Variants in TSPEAR observed in about 807,000 individuals in gnomAD.
TSPEAR encodes thrombospondin type laminin G domain and EAR repeats.
In TSPEAR, 69 loss-of-function variants were observed where a neutral mutation model predicts 71.6. That is an observed-to-expected ratio of 0.96 (90% CI 0.79 to 1.18). The LOEUF (loss-of-function observed/expected upper bound fraction) is 1.18. Ranked by LOEUF, TSPEAR falls within the 50% of genes most tolerant of loss-of-function variation. TSPEAR has a pLI of 0.00. For synonymous variants in TSPEAR, 402 were observed against 387.2 expected (o/e 1.04, Z -0.45); for missense variants, 971 against 894.9 (o/e 1.09, Z -1.09).
At chr21:44,596,367 C>G (rs782306953) in intron 1 of TSPEAR, among the ~76,000 whole-genome samples, 49 of 152,338 alleles carry the variant, frequency 3.2e-4, no homozygotes, top group Non-Finnish European at 5.1e-4. Flanking sequence ...GTGTCACAGT[C>G]CCAACCACAC....
intron 1 of TSPEAR, among the ~76,000 whole-genome samples, chr21:44,657,461 C>CTA (rs1985219648): frequency 6.6e-6 from 1 of 152,194 alleles, no homozygotes; most frequent in African/African-American, 2.4e-5. Flanking sequence ...ACAGACAACA[C>CTA]ATAAACTAAT....
chr21:44,692,024 T>C (rs1555949787), intron 1 of TSPEAR, among the ~76,000 whole-genome samples: 51 of 152,282 alleles, frequency 3.3e-4, no homozygotes, highest in Non-Finnish European at 1.5e-5. Flanking sequence ...CCAAGTTGGA[T>C]TTATCCCAGG....
intron 1 of TSPEAR, among the ~76,000 whole-genome samples, chr21:44,684,425 TCAGGAGGATGAGG>T (rs1986761562): frequency 6.6e-6 from 1 of 152,132 alleles, no homozygotes; most frequent in Non-Finnish European, 1.5e-5. Flanking sequence ...TCCCAACTAT[TCAGGAGGATGAGG>T]CAGGAGGATA....
Position 44,682,425 on chromosome 21 carries a change from T to G in TSPEAR, c.82+29008A>C, listed in dbSNP as rs368553772. 2.8e-4 allele frequency among the ~76,000 whole-genome samples: 43 copies of G among 152,364 alleles called. 1 individual carries two copies. The South Asian group carries it at 7.9e-3, about 28-fold the overall frequency. ...CAGTTTTAGCTCCACCTGCCTGATA[T>G]CTGCCTCCCTTCGTTAGTTCTACGC... On this transcript the variant is annotated intron_variant, in intron 1 of 11. Coordinates refer to ENST00000323084, the MANE Select transcript of TSPEAR (RefSeq NM_144991.3).
At chr21:44,578,925 G>A (rs915543491) in intron 1 of TSPEAR, among the ~76,000 whole-genome samples, 18 of 152,210 alleles carry the variant, frequency 1.2e-4, no homozygotes, top group Admixed American at 3.9e-4. Context: ...CCAGAGGAGG[G>A]CCTGGGGCAG....
chr21:44,653,403 C>G (rs587723428), intron 1 of TSPEAR, among the ~76,000 whole-genome samples: 10 of 152,244 alleles, frequency 6.6e-5, no homozygotes, highest in South Asian at 2.1e-4. Context: ...GGGCTGCCCC[C>G]GGGCTGGTGT....
At chr21:44,592,446 C>G in intron 1 of TSPEAR, 1 of 1,611,330 alleles carries the variant, frequency 6.2e-7, no homozygotes, top group Non-Finnish European at 8.5e-7. Context: ...TGCCGTAGCT[C>G]AGGTCGCTGG....
In TSPEAR at chr21:44,548,070, CTGTT is replaced by C. The variant is rs1179487065; in HGVS notation, c.304-14151_304-14148del. ...TACCTTTGGCCCCAGGTGGCATTGA[CTGTT>C]TAATGTTCTGACAAAGCCTCAGTGT... is the stretch of plus-strand genomic sequence containing the variant. On this transcript the variant is annotated intron_variant, in intron 2 of 11. Transcript: ENST00000323084. Among the ~76,000 whole-genome samples, 8 of 152,352 alleles carry C rather than the reference CTGTT, an allele frequency of 5.3e-5. No homozygotes were observed. The East Asian group carries it at 1.5e-3, about 29-fold the overall frequency.
At chr21:44,529,756 G>A (rs782735060) in intron 5 of TSPEAR, 42 bp downstream of exon 5, 19 of 1,609,584 alleles carry the variant, frequency 1.2e-5, no homozygotes, top group African/African-American at 5.3e-5. Flanking sequence ...CAGGGCTCTC[G>A]CATCTGCCTT....
chr21:44,526,065 A>G (rs1389202247), intron 7 of TSPEAR: 1 of 441,452 alleles, frequency 2.3e-6, no homozygotes, highest in African/African-American at 1.9e-5. Flanking sequence ...TTCTTTACCC[A>G]ATATTTCCAC....
chr21:44,511,900 C>T lies in TSPEAR; in HGVS notation c.1567-2514G>A, dbSNP rs765940621. On this transcript the variant is annotated intron_variant, in intron 9 of 11. Transcript: ENST00000323084. ...GCTTTACTGCAAGTTGGGGCTGAGC[C>T]GGGCATCACATCTCAGTGATGAGTG... 5.9e-5 allele frequency among the ~76,000 whole-genome samples: 9 copies of T among 152,220 alleles called. No homozygotes were observed. The South Asian group carries it at 1.4e-3, about 24-fold the overall frequency.
Position 44,621,253 on chromosome 21 carries a change from TAGAG to T in TSPEAR, c.83-53252_83-53249del, listed in dbSNP as rs587684696. ...TCTGTTATTTTATACTTTTTTAAAT[TAGAG>T]AGAATGGCTTATTGAAGTCTCAAAC... On this transcript the variant is annotated intron_variant, in intron 1 of 11. Transcript: ENST00000323084. Among the ~76,000 whole-genome samples, 295 of 152,342 alleles carry T rather than the reference TAGAG, an allele frequency of 1.9e-3. 1 individual carries two copies. Among genetic ancestry groups the T allele is most frequent in the Middle Eastern group, 3.4e-3 (1 of 294 alleles).
intron 1 of TSPEAR, among the ~76,000 whole-genome samples, chr21:44,700,585 C>T (rs2838649): frequency 0.14 from 21,699 of 152,190 alleles, 1,534 homozygotes; most frequent in Middle Eastern, 0.2. Flanking sequence ...CCATGAAGTC[C>T]GTGGTTTGAA....
chr21:44,518,894 G>C (rs1210370586), intron 9 of TSPEAR: 1 of 324,974 alleles, frequency 3.1e-6, no homozygotes, highest in Non-Finnish European at 6.2e-6. Context: ...GTATGATCCT[G>C]ATGACACATG....
intron 1 of TSPEAR, among the ~76,000 whole-genome samples, chr21:44,689,995 G>A (rs1987059129): frequency 6.6e-6 from 1 of 151,824 alleles, no homozygotes; most frequent in South Asian, 2.1e-4. Flanking sequence ...CTCAGATTAA[G>A]GGTGGGCCTG....
Position 44,628,233 on chromosome 21 carries a change from C to A in TSPEAR, c.83-60228G>T, listed in dbSNP as rs587659429. On this transcript the variant is annotated intron_variant, in intron 1 of 11. Coordinates refer to ENST00000323084, the MANE Select transcript of TSPEAR (RefSeq NM_144991.3). ...CTGACCTCCCCCCCGGGCAGGCGAG[C>A]CCTGGCTTCTCCTCACGGTGCTTCC... 1.3e-4 allele frequency: 87 copies of A among 654,484 alleles called. No homozygotes were observed. In the African/African-American group the frequency reaches 1.5e-3, roughly 11 times the overall value. 40.5% of individuals were successfully genotyped at this position (654,484 alleles called of 1,614,324 possible). A position where few individuals can be genotyped will look rare whatever the true frequency, so the allele number is the denominator to read the frequency against.
Position 44,612,917 on chromosome 21 carries a change from G to A in TSPEAR, c.83-44912C>T. 6.2e-7 allele frequency: 1 copy of A among 1,603,836 alleles called. No individual in the cohort carries two copies. Among genetic ancestry groups the A allele is most frequent in the South Asian group, 1.1e-5 (1 of 90,678 alleles). ...AGGCCAGGAGTCCAGCTGCTGATGG[G>A]CACGTCCCCCAGGGCCAGCCGGCTC... is the stretch of plus-strand genomic sequence containing the variant. On this transcript the variant is annotated intron_variant, in intron 1 of 11. Coordinates refer to ENST00000323084, the MANE Select transcript of TSPEAR (RefSeq NM_144991.3). The surrounding 1 kb of genome is among the most constrained non-coding windows in gnomAD (Gnocchi z 4.1).
chr21:44,613,019 T>TCC, intron 1 of TSPEAR: 2 of 1,282,968 alleles, frequency 1.6e-6, no homozygotes, highest in Non-Finnish European at 2.1e-6. Context: ...AGGTGACCTC[T>TCC]CCCTCCTTAC....
intron 1 of TSPEAR, among the ~76,000 whole-genome samples, chr21:44,589,755 T>C (rs1205872569): frequency 2.6e-5 from 4 of 151,676 alleles, no homozygotes; most frequent in Admixed American, 1.3e-4. Flanking sequence ...ATGGAGGAGG[T>C]CAGAGAGCCA....
Sources: allele counts gnomAD v4.1 joint callset (sites outside exome capture counted in the v4.1 genomes callset), GRCh38; gene constraint gnomAD v4.1.1; non-coding constraint Gnocchi (gnomAD v3.1); transcripts MANE v1.5; gene names NCBI Gene and HGNC (gene_info 2026-07-23, HGNC 2026-07-21).